The following FRMPD4 variants were observed in gnomAD, a reference collection of about 807,000 sequenced individuals.
FRMPD4 encodes FERM and PDZ domain-containing protein 4.
FRMPD4 carries 22 observed loss-of-function variants against 94.1 expected under a neutral mutation model. The observed-to-expected ratio is 0.23, with a 90% CI of 0.17 to 0.33. FRMPD4 has a LOEUF of 0.33. Among genes scored for constraint, FRMPD4 ranks in the 10% least tolerant of loss-of-function variants. The pLI is 1.00. For synonymous variants in FRMPD4, 631 were observed against 548.6 expected (o/e 1.15, Z -2.10); for missense variants, 1,111 against 1,339.9 (o/e 0.83, Z 2.67).
chrX:12,076,989 A>G (rs2055024625), intron 3 of FRMPD4, among the ~76,000 whole-genome samples: 1 of 111,933 alleles, frequency 8.9e-6, no homozygotes, highest in Admixed American at 9.4e-5. Flanking sequence ...ATAGTGGCAC[A>G]GCGTTGCATT....
chrX:12,439,415 G>A (rs1241709749), intron 1 of FRMPD4, among the ~76,000 whole-genome samples: 1 of 111,343 alleles, frequency 9.0e-6, no homozygotes, highest in Admixed American at 9.5e-5. Flanking sequence ...CATTGTTCTT[G>A]ACGCTTAGCA....
chrX:12,668,097 A>G (rs190811160), intron 4 of FRMPD4, among the ~76,000 whole-genome samples: 25 of 112,295 alleles, frequency 2.2e-4, no homozygotes, highest in Non-Finnish European at 3.9e-4. Context: ...TTGATGGCTT[A>G]AAAGTGTCAT....
chrX:12,491,232 AAAAATATACAAAATTTAAATACACAATAT>A (rs1461848372), intron 1 of FRMPD4, among the ~76,000 whole-genome samples: 2 of 111,718 alleles, frequency 1.8e-5, no homozygotes, highest in African/African-American at 6.5e-5. Flanking sequence ...TCACTATAGG[AAAAATATACAAAATTTAAATACACAATAT>A]AAAATACACA....
At chrX:12,378,320 T>C (rs2056269814) in intron 1 of FRMPD4, among the ~76,000 whole-genome samples, 1 of 112,706 alleles carries the variant, frequency 8.9e-6, no homozygotes, top group Non-Finnish European at 1.9e-5. Context: ...ACAGCGAGCC[T>C]GTAGAGAGCT....
intron 3 of FRMPD4, among the ~76,000 whole-genome samples, chrX:12,065,915 T>C (rs1361459598): frequency 8.9e-6 from 1 of 112,253 alleles, no homozygotes; most frequent in Non-Finnish European, 1.9e-5. Context: ...GTCTTACTCA[T>C]TATTAAGTTT....
intron 9 of FRMPD4, among the ~76,000 whole-genome samples, chrX:12,697,985 A>G (rs1200036387): frequency 8.9e-6 from 1 of 112,283 alleles, no homozygotes; most frequent in East Asian, 2.8e-4. Context: ...GCGTGCTACC[A>G]TAAGTCTAAA....
At chrX:12,592,057 A>G (rs975041221) in intron 2 of FRMPD4, among the ~76,000 whole-genome samples, 7 of 111,307 alleles carry the variant, frequency 6.3e-5, no homozygotes, top group Non-Finnish European at 1.9e-5. Flanking sequence ...TAAAACCTAG[A>G]AAGGTCACTG....
chrX:12,283,695 G>A (rs1448905440), intron 1 of FRMPD4, among the ~76,000 whole-genome samples: 8 of 108,987 alleles, frequency 7.3e-5, no homozygotes, highest in African/African-American at 2.7e-4. Flanking sequence ...CTGGTGTAAA[G>A]AAATGATGAA....
At chrX:12,257,905 C>T (rs1438123424) in intron 1 of FRMPD4, among the ~76,000 whole-genome samples, 2 of 110,058 alleles carry the variant, frequency 1.8e-5, no homozygotes, top group Non-Finnish European at 3.8e-5. Flanking sequence ...CTCTCACCTT[C>T]TTCGCGGTGT....
At chrX:11,893,707 G>A (rs2053887169) in intron 3 of FRMPD4, among the ~76,000 whole-genome samples, 1 of 111,477 alleles carries the variant, frequency 9.0e-6, no homozygotes, top group African/African-American at 3.3e-5. Flanking sequence ...AGTTAAATGT[G>A]GTAAGGTACT....
chrX:12,272,925 A>T (rs1041880639), intron 1 of FRMPD4, among the ~76,000 whole-genome samples: 2 of 110,319 alleles, frequency 1.8e-5, no homozygotes, highest in African/African-American at 3.3e-5. Context: ...TACAATAATT[A>T]AATTAGCCAG....
chrX:12,360,921 A>T (rs186359248), intron 1 of FRMPD4, among the ~76,000 whole-genome samples: 46 of 102,085 alleles, frequency 4.5e-4, no homozygotes, highest in Non-Finnish European at 4.0e-4. Flanking sequence ...CTTGTATTCT[A>T]TGGCTTTTTT....
At chrX:12,628,384 GGTCT>G (rs1569373318) in intron 4 of FRMPD4, among the ~76,000 whole-genome samples, 2 of 111,125 alleles carry the variant, frequency 1.8e-5, no homozygotes, top group African/African-American at 3.3e-5. Context: ...GTACCCATTT[GGTCT>G]GTCTTTGACT....
intron 2 of FRMPD4, among the ~76,000 whole-genome samples, chrX:12,591,752 T>A (rs2148394557): frequency 8.9e-6 from 1 of 111,795 alleles, no homozygotes; most frequent in Non-Finnish European, 1.9e-5. Flanking sequence ...TTAGACCTTA[T>A]CTACTGATTA....
chrX:12,072,623 G>A (rs1387726123), intron 3 of FRMPD4, among the ~76,000 whole-genome samples: 2 of 111,662 alleles, frequency 1.8e-5, no homozygotes, highest in East Asian at 5.6e-4. Context: ...AGAAAAGGTG[G>A]CAGTCAGCTG....
intron 1 of FRMPD4, among the ~76,000 whole-genome samples, chrX:12,262,805 T>A (rs1474454919): frequency 9.0e-6 from 1 of 111,665 alleles, no homozygotes; most frequent in Non-Finnish European, 1.9e-5. Context: ...TGTGAGATTG[T>A]ATAAGGAATG....
At chrX:12,463,681 G>GTTTTTTTTTTTTTTTTTTT (rs764684007) in intron 1 of FRMPD4, among the ~76,000 whole-genome samples, 1 of 51,046 alleles carries the variant, frequency 2.0e-5, no homozygotes, top group East Asian at 5.4e-4. Context: ...CTATGTGTGT[G>GTTTTTTTTTTTTTTTTTTT]TTTTTTTTTT....
intron 2 of FRMPD4, among the ~76,000 whole-genome samples, chrX:12,544,318 T>C (rs1174423109): frequency 8.9e-6 from 1 of 111,735 alleles, no homozygotes; most frequent in Non-Finnish European, 1.9e-5. Context: ...CCACATAAAT[T>C]ATTTAGATTT....
At chrX:11,952,055 C>T (rs1231512) in intron 3 of FRMPD4, among the ~76,000 whole-genome samples, 11,216 of 111,915 alleles carry the variant, frequency 0.1, 557 homozygotes, top group African/African-American at 0.18. Context: ...TAAATACATA[C>T]GTACATGCAT....
Sources: gnomAD v4.1 joint callset for allele counts (sites outside exome capture counted in the v4.1 genomes callset) on GRCh38, gnomAD v4.1.1 for gene constraint, MANE v1.5 for transcripts, NCBI Gene and HGNC (gene_info 2026-07-23, HGNC 2026-07-21) for gene names.